CNTN5: variants seen among roughly 807,000 people sequenced by gnomAD.
CNTN5 encodes the protein contactin 5.
A neutral mutation model predicts 129.1 loss-of-function variants in CNTN5; 77 were observed. The observed-to-expected ratio is 0.60, with a 90% CI of 0.50 to 0.72. The LOEUF (loss-of-function observed/expected upper bound fraction) is 0.72. Among genes scored for constraint, CNTN5 ranks in the 30% least tolerant of loss-of-function variants. The pLI, the probability that CNTN5 is intolerant of heterozygous loss-of-function variation, is 0.00. For missense variants in CNTN5, 1,478 were observed against 1,328.8 expected, an observed-to-expected ratio of 1.11 and a Z score of -1.75; for synonymous variants, 509 against 465.6, an observed-to-expected ratio of 1.09 and a Z score of -1.20.
intron 1 of CNTN5, among the ~76,000 whole-genome samples, chr11:99,281,589 C>G (rs1285408323): frequency 6.6e-6 from 1 of 151,946 alleles, no homozygotes; most frequent in Non-Finnish European, 1.5e-5. Context: ...CACCTGCTTT[C>G]ATTTATGAAA....
intron 8 of CNTN5, among the ~76,000 whole-genome samples, chr11:99,989,848 C>T (rs1379949806): frequency 6.6e-6 from 1 of 152,166 alleles, no homozygotes; most frequent in Non-Finnish European, 1.5e-5. Context: ...TCACTGCAAC[C>T]TCCGCCTCCT....
chr11:99,667,652 G>A (rs1952846459), intron 3 of CNTN5, among the ~76,000 whole-genome samples: 1 of 152,126 alleles, frequency 6.6e-6, no homozygotes, highest in Non-Finnish European at 1.5e-5. Context: ...GCTATGTCAT[G>A]GATGAAGCTG....
intron 6 of CNTN5, among the ~76,000 whole-genome samples, chr11:99,848,047 T>C (rs1947756785): frequency 6.6e-6 from 1 of 151,966 alleles, no homozygotes; most frequent in Admixed American, 6.6e-5. Context: ...CCATCTCTAC[T>C]AAAAATACAA....
intron 3 of CNTN5, 134 bp from the exon 4 acceptor site, chr11:99,819,408 ACT>A (rs146778355): frequency 0.031 from 19,892 of 650,548 alleles, no homozygotes; most frequent in South Asian, 0.061. Flanking sequence ...ATTTTTTCAC[ACT>A]CTCACTGTAA....
chr11:99,559,616 G>A (rs1195391969), intron 3 of CNTN5, among the ~76,000 whole-genome samples: 11 of 152,100 alleles, frequency 7.2e-5, no homozygotes, highest in Non-Finnish European at 1.3e-4. Context: ...AATTCAACAT[G>A]GTATAGCCAT....
intron 3 of CNTN5, among the ~76,000 whole-genome samples, chr11:99,650,530 A>T (rs1402429862): frequency 6.6e-6 from 1 of 151,920 alleles, no homozygotes; most frequent in Non-Finnish European, 1.5e-5. Context: ...TAAAACATAG[A>T]TGTTACATAA....
chr11:99,562,068 T>C (rs1948861517), intron 3 of CNTN5, among the ~76,000 whole-genome samples: 2 of 152,140 alleles, frequency 1.3e-5, no homozygotes, highest in South Asian at 4.1e-4. Context: ...AATGTGTGTT[T>C]GCATAAGAAA....
At chr11:100,139,101 A>G (rs1668821882) in intron 13 of CNTN5, among the ~76,000 whole-genome samples, 1 of 152,162 alleles carries the variant, frequency 6.6e-6, no homozygotes, top group Non-Finnish European at 1.5e-5. Flanking sequence ...GTAGATCTGG[A>G]TGACTGAAGA....
chr11:100,195,634 G>A (rs752838808), intron 15 of CNTN5, among the ~76,000 whole-genome samples: 2 of 151,908 alleles, frequency 1.3e-5, no homozygotes, highest in Non-Finnish European at 2.9e-5. Flanking sequence ...TGAGAAGGGA[G>A]AAAAACATTT....
At chr11:99,466,062 T>G (rs1223141392) in intron 2 of CNTN5, among the ~76,000 whole-genome samples, 1 of 151,944 alleles carries the variant, frequency 6.6e-6, no homozygotes, top group Non-Finnish European at 1.5e-5. Context: ...TTTTGTATTT[T>G]TAGTAGAGGT....
chr11:100,214,888 A>G (rs554190613), intron 15 of CNTN5, among the ~76,000 whole-genome samples: 1 of 152,298 alleles, frequency 6.6e-6, no homozygotes, highest in South Asian at 2.1e-4. Flanking sequence ...AACAGCAAGG[A>G]TGGCTTGAAT....
chr11:100,311,557 GCC>G (rs1357281765), intron 21 of CNTN5, among the ~76,000 whole-genome samples: 1 of 152,004 alleles, frequency 6.6e-6, no homozygotes, highest in Non-Finnish European at 1.5e-5. Flanking sequence ...TAAAGAAGGT[GCC>G]TGAGAATTGA....
chr11:99,289,902 T>A (rs1339437043), intron 1 of CNTN5, among the ~76,000 whole-genome samples: 1 of 151,870 alleles, frequency 6.6e-6, no homozygotes, highest in East Asian at 1.9e-4. Flanking sequence ...TAACATCTAA[T>A]GTGTTTGCAT....
chr11:99,106,672 C>G (rs1867013724), intron 1 of CNTN5, among the ~76,000 whole-genome samples: 1 of 151,916 alleles, frequency 6.6e-6, no homozygotes, highest in Non-Finnish European at 1.5e-5. Context: ...TTAGATTAAG[C>G]CTGTAATTTT....
At chr11:99,234,612 T>G (rs761058523) in intron 1 of CNTN5, among the ~76,000 whole-genome samples, 1 of 152,142 alleles carries the variant, frequency 6.6e-6, no homozygotes, top group Non-Finnish European at 1.5e-5. Context: ...TTAGAAGGCA[T>G]GATCCAAGTC....
chr11:99,578,775 A>G (rs1949459329), intron 3 of CNTN5, among the ~76,000 whole-genome samples: 1 of 152,084 alleles, frequency 6.6e-6, no homozygotes. Context: ...CCCATTCTGT[A>G]GGTTGCCTGT....
At chr11:99,746,493 G>C (rs1282692751) in intron 3 of CNTN5, among the ~76,000 whole-genome samples, 4 of 152,180 alleles carry the variant, frequency 2.6e-5, no homozygotes, top group African/African-American at 9.6e-5. Context: ...GAACTGGGCA[G>C]CACAGCAGGA....
At chr11:99,043,805 A>T (rs1864101402) in intron 1 of CNTN5, among the ~76,000 whole-genome samples, 1 of 152,238 alleles carries the variant, frequency 6.6e-6, no homozygotes, top group South Asian at 2.1e-4. Context: ...CATTAACTAA[A>T]TATCTCAGAA....
At chr11:99,864,195 GT>G (rs367924314) in intron 6 of CNTN5, among the ~76,000 whole-genome samples, 9 of 152,088 alleles carry the variant, frequency 5.9e-5, no homozygotes, top group East Asian at 5.8e-4. Flanking sequence ...TTATATACTT[GT>G]TTTTTTGTCT....
Sources: gnomAD v4.1 joint callset for allele counts (sites outside exome capture counted in the v4.1 genomes callset) on GRCh38, gnomAD v4.1.1 for gene constraint, MANE v1.5 for transcripts, NCBI Gene and HGNC (gene_info 2026-07-23, HGNC 2026-07-21) for gene names.